Variants in RPS6KA5 observed in about 807,000 individuals in gnomAD.
The protein encoded by RPS6KA5 is ribosomal protein S6 kinase alpha-5.
In RPS6KA5, 27 loss-of-function variants were observed where a neutral mutation model predicts 85.5. The observed-to-expected ratio is 0.32, with a 90% CI of 0.23 to 0.44. RPS6KA5 has a LOEUF of 0.44. Ranked by LOEUF, RPS6KA5 falls within the 20% of genes least tolerant of loss-of-function variation. RPS6KA5 has a pLI of 1.00. For synonymous variants in RPS6KA5, 334 were observed against 348.2 expected (o/e 0.96, Z 0.46); for missense variants, 811 against 980.9 (o/e 0.83, Z 2.31).
chr14:90,885,161 G>A (rs532083908), intron 14 of RPS6KA5, among the ~76,000 whole-genome samples: 57 of 151,568 alleles, frequency 3.8e-4, no homozygotes, highest in African/African-American at 1.4e-3. Context: ...ACTGAAGCAA[G>A]AGGATCACCT....
chr14:90,906,617 G>A (rs1308984993), intron 7 of RPS6KA5, among the ~76,000 whole-genome samples: 1 of 152,140 alleles, frequency 6.6e-6, no homozygotes, highest in East Asian at 1.9e-4. Flanking sequence ...TAGACCTCTC[G>A]TATATAGACT....
chr14:90,955,667 T>G (rs766931017), intron 3 of RPS6KA5, among the ~76,000 whole-genome samples: 6 of 152,138 alleles, frequency 3.9e-5, no homozygotes, highest in Non-Finnish European at 8.8e-5. Context: ...GGCTGGCATA[T>G]GATCTACCCT....
Position 90,998,866 on chromosome 14 carries a change from C to T in RPS6KA5, c.175+2222G>A, listed in dbSNP as rs561067655. On this transcript the variant is annotated intron_variant, in intron 2 of 16. Transcript: ENST00000614987. ...CTACTCAGGGAGGTTATAAAGACCTCATACAGCAGGGCCGTAGACATGAAG... is the reference window on the plus strand; with the variant it reads ...CTACTCAGGGAGGTTATAAAGACCTTATACAGCAGGGCCGTAGACATGAAG... Among the ~76,000 whole-genome samples the T allele has an allele frequency of 1.4e-3, 208 of 152,280 alleles. 4 individuals carry two copies. Among genetic ancestry groups the T allele is most frequent in the Non-Finnish European group, 1.9e-4 (13 of 68,024 alleles).
At chr14:90,955,598 T>G (rs1301835294) in intron 3 of RPS6KA5, among the ~76,000 whole-genome samples, 1 of 151,640 alleles carries the variant, frequency 6.6e-6, no homozygotes, top group African/African-American at 2.4e-5. Flanking sequence ...CATTCCATTG[T>G]GGAGAGGAAA....
At chr14:90,916,112 C>G (rs1351247525) in intron 7 of RPS6KA5, among the ~76,000 whole-genome samples, 2 of 151,958 alleles carry the variant, frequency 1.3e-5, no homozygotes. Flanking sequence ...GCAGGCAGGA[C>G]CAAAATTAAC....
At chr14:90,957,165 A>T (rs991831783) in intron 3 of RPS6KA5, among the ~76,000 whole-genome samples, 5 of 152,044 alleles carry the variant, frequency 3.3e-5, no homozygotes, top group Non-Finnish European at 7.4e-5. Context: ...CCTGGGTTCA[A>T]GCGATTCTTG....
At chr14:91,040,316 G>A (rs939018405) in intron 1 of RPS6KA5, among the ~76,000 whole-genome samples, 13 of 152,216 alleles carry the variant, frequency 8.5e-5, no homozygotes, top group Non-Finnish European at 1.8e-4. Context: ...GCTGAGGCCG[G>A]AGAATCGCTT....
chr14:91,049,727 T>C (rs1001071471), intron 1 of RPS6KA5, among the ~76,000 whole-genome samples: 3 of 152,146 alleles, frequency 2.0e-5, no homozygotes, highest in African/African-American at 7.2e-5. Flanking sequence ...CTGAGAAACA[T>C]CATTAGGTGA....
Position 91,060,339 on chromosome 14 carries a change from C to G in RPS6KA5, c.96G>C (p.Leu32=), listed in dbSNP as rs764887929. ...GAGGGCGGGGTCGCTCACCAGTCCG[C>G]AGCTCGTGCTTGACAGTGAGGAGCT... is the stretch of plus-strand genomic sequence containing the variant. ...GEQLLTVKHE[L]RTANLTGHAE... The change falls in exon 1 of 17, where the codon CTG becomes CTC. Residue 32 remains leucine (L), a synonymous_variant. Coordinates refer to ENST00000614987, the MANE Select transcript of RPS6KA5 (RefSeq NM_004755.4). 2 of 1,404,134 alleles carry G rather than the reference C, an allele frequency of 1.4e-6. No individual in the cohort carries two copies. Among genetic ancestry groups the G allele is most frequent in the Non-Finnish European group, 1.9e-6 (2 of 1,068,708 alleles). The allele number at this position is 1,404,134 out of a possible 1,614,324, so 87.0% of individuals were successfully genotyped here.
At chr14:90,885,235 A>T (rs2034113673) in intron 14 of RPS6KA5, among the ~76,000 whole-genome samples, 1 of 144,396 alleles carries the variant, frequency 6.9e-6, no homozygotes, top group African/African-American at 2.8e-5. Flanking sequence ...CCTGGGCAAC[A>T]GAGCAGGATC....
chr14:90,918,394 GT>G (rs1566739385), intron 7 of RPS6KA5, among the ~76,000 whole-genome samples: 1 of 152,114 alleles, frequency 6.6e-6, no homozygotes, highest in Non-Finnish European at 1.5e-5. Context: ...GTTTTCTTGA[GT>G]TTTAAGAATT....
chr14:91,021,008 T>C (rs1346228875), intron 1 of RPS6KA5, among the ~76,000 whole-genome samples: 2 of 152,184 alleles, frequency 1.3e-5, no homozygotes, highest in African/African-American at 2.4e-5. Context: ...ATTAATGACA[T>C]TAGATTTATC....
In RPS6KA5 at chr14:90,957,310, CT is replaced by C. The variant is rs1475760578; in HGVS notation, c.395-9761del. On this transcript the variant is annotated intron_variant, in intron 3 of 16. Coordinates refer to ENST00000614987, the MANE Select transcript of RPS6KA5 (RefSeq NM_004755.4). Reference sequence around the variant, plus strand: ...AAACTGCTGGCCTCTCGTGATCTGCCTCCCATGGCCTCCCAAAGTGCTGGGA... The same window carrying C: ...AAACTGCTGGCCTCTCGTGATCTGCCCCCATGGCCTCCCAAAGTGCTGGGA... Among the ~76,000 whole-genome samples, 4 of 152,316 alleles carry C rather than the reference CT, an allele frequency of 2.6e-5. No homozygotes were observed. The East Asian group carries it at 7.7e-4, about 29-fold the overall frequency.
chr14:90,954,616 G>A (rs2038403727), intron 3 of RPS6KA5, among the ~76,000 whole-genome samples: 2 of 152,182 alleles, frequency 1.3e-5, no homozygotes, highest in Admixed American at 6.5e-5. Flanking sequence ...GTTTCACCAT[G>A]TTAGCCAGGC....
intron 5 of RPS6KA5, among the ~76,000 whole-genome samples, chr14:90,924,828 A>T (rs546297390): frequency 6.6e-6 from 1 of 152,230 alleles, no homozygotes; most frequent in Admixed American, 6.5e-5. Flanking sequence ...AGGAATCCCA[A>T]TAGTAACTCA....
At chr14:91,050,384 T>TAACAAA (rs770606699) in intron 1 of RPS6KA5, among the ~76,000 whole-genome samples, 2 of 152,014 alleles carry the variant, frequency 1.3e-5, no homozygotes, top group Non-Finnish European at 1.5e-5. Flanking sequence ...TCTTCAAAAA[T>TAACAAA]AACAAAAACA....
chr14:90,880,090 TGCCTGGCCACCAC>T (rs1378441006), intron 14 of RPS6KA5, among the ~76,000 whole-genome samples: 1 of 152,148 alleles, frequency 6.6e-6, no homozygotes. Context: ...TGAGCCACCA[TGCCTGGCCACCAC>T]TCCTAATTTT....
At chr14:90,907,021 G>T (rs2035542179) in intron 7 of RPS6KA5, among the ~76,000 whole-genome samples, 1 of 152,142 alleles carries the variant, frequency 6.6e-6, no homozygotes, top group African/African-American at 2.4e-5. Context: ...AAAGTTTCTT[G>T]ATGAGAAATT....
In RPS6KA5 at chr14:90,947,300, T is replaced by C. The variant is rs1026006918; in HGVS notation, c.510+135A>G. The C allele has an allele frequency of 3.1e-5, 15 of 486,426 alleles. No individual in the cohort carries two copies. The Admixed American group carries it at 3.7e-4, about 12-fold the overall frequency. 30.1% of individuals were successfully genotyped at this position (486,426 alleles called of 1,614,324 possible). A position where few individuals can be genotyped will look rare whatever the true frequency, so the allele number is the denominator to read the frequency against. On this transcript the variant is annotated intron_variant, in intron 4 of 16. Coordinates refer to ENST00000614987, the MANE Select transcript of RPS6KA5 (RefSeq NM_004755.4). ...AAACGGAATTATGAAATTGAGAAAA[T>C]TGGTAATGTTCTATAAGTATGCTTT...
Sources: allele counts gnomAD v4.1 joint callset (sites outside exome capture counted in the v4.1 genomes callset), GRCh38; gene constraint gnomAD v4.1.1; transcripts MANE v1.5; gene names NCBI Gene and HGNC (gene_info 2026-07-23, HGNC 2026-07-21).